PGM3: variants seen among roughly 807,000 people sequenced by gnomAD.
PGM3 encodes the protein phosphoglucomutase 3.
A neutral mutation model predicts 66.2 loss-of-function variants in PGM3; 40 were observed. That is an observed-to-expected ratio of 0.60 (90% confidence interval 0.47 to 0.79). The LOEUF is 0.79. PGM3 is among the 30% of genes least tolerant of loss of function. PGM3 has a pLI of 0.00. For missense variants in PGM3, 537 were observed against 643.4 expected, an observed-to-expected ratio of 0.83 and a Z score of 1.79; for synonymous variants, 191 against 224.2, an observed-to-expected ratio of 0.85 and a Z score of 1.32.
chr6:83,168,371 G>A lies in PGM3; in HGVS notation c.*863C>T. ...ATATTGTTGGCTCATACTGATTATG[G>A]TGCCTAAGAGAGCTATATATATACA... On this transcript the variant is annotated 3_prime_UTR_variant, in exon 13 of 13. Coordinates refer to ENST00000513973, the MANE Select transcript of PGM3 (RefSeq NM_015599.3). The A allele has an allele frequency of 7.3e-7, 1 of 1,377,534 alleles. No individual in the cohort carries two copies. Among genetic ancestry groups the A allele is most frequent in the Non-Finnish European group, 9.4e-7 (1 of 1,068,494 alleles). 85.3% of individuals were successfully genotyped at this position (1,377,534 alleles called of 1,614,324 possible).
downstream of PGM3, chr6:83,159,707 A>G: frequency 6.9e-7 from 1 of 1,442,938 alleles, no homozygotes; most frequent in Non-Finnish European, 9.6e-7. Context: ...GATGATTATG[A>G]AAAATATTAG....
Position 83,167,727 on chromosome 6 carries a change from C to T in PGM3, c.*1507G>A. ...TCTCAGAAGCACCAAGGGTTTTGAT[C>T]AGGTCAGGAGTTAGAAACTTAATGT... On this transcript the variant is annotated 3_prime_UTR_variant, in exon 13 of 13. Transcript: ENST00000513973. 1 of 1,407,870 alleles carries T rather than the reference C, an allele frequency of 7.1e-7. No individual in the cohort carries two copies. 87.2% of individuals were successfully genotyped at this position (1,407,870 alleles called of 1,614,324 possible). A position where few individuals can be genotyped will look rare whatever the true frequency, so the allele number is the denominator to read the frequency against.
In PGM3 at chr6:83,167,167, A is replaced by T; in HGVS notation, c.*2067T>A. ...CTAAAAGGTAGTTTTAGACTGTCCC[A>T]TTTTATAAGTGAGGAACCTTTGTAT... On this transcript the variant is annotated 3_prime_UTR_variant, in exon 13 of 13. Transcript: ENST00000513973. 1.1e-6 allele frequency: 1 copy of T among 903,514 alleles called. No homozygotes were observed. Among genetic ancestry groups the T allele is most frequent in the Non-Finnish European group, 1.3e-6 (1 of 755,194 alleles). 56.0% of individuals were successfully genotyped at this position (903,514 alleles called of 1,614,324 possible). A position where few individuals can be genotyped will look rare whatever the true frequency, so the allele number is the denominator to read the frequency against.
chr6:83,169,101 A>T lies in PGM3; in HGVS notation c.*133T>A. The T allele has an allele frequency of 1.4e-6, 2 of 1,455,042 alleles. No individual in the cohort carries two copies. Among genetic ancestry groups the T allele is most frequent in the Non-Finnish European group, 1.8e-6 (2 of 1,107,726 alleles). 90.1% of individuals were successfully genotyped at this position (1,455,042 alleles called of 1,614,324 possible). A position where few individuals can be genotyped will look rare whatever the true frequency, so the allele number is the denominator to read the frequency against. ...ATTATTCTGTTAGTGTTTAAGAAAA[A>T]CAGATCTAGAGACAATCCAGTAGGC... On this transcript the variant is annotated 3_prime_UTR_variant, in exon 13 of 13. Coordinates refer to ENST00000513973, the MANE Select transcript of PGM3 (RefSeq NM_015599.3).
chr6:83,174,976 T>G (rs1787646116), intron 9 of PGM3, among the ~76,000 whole-genome samples: 1 of 152,230 alleles, frequency 6.6e-6, no homozygotes, highest in Non-Finnish European at 1.5e-5. Flanking sequence ...GGATAGTCAT[T>G]ACAATATATA....
intron 6 of PGM3, among the ~76,000 whole-genome samples, chr6:83,180,802 C>T (rs1174029071): frequency 6.6e-6 from 1 of 152,182 alleles, no homozygotes; most frequent in African/African-American, 2.4e-5. Flanking sequence ...GTTGACTACA[C>T]TGACATTTTA....
At chr6:83,169,659 C>G (rs1177213853) in intron 12 of PGM3, 1 of 468,658 alleles carries the variant, frequency 2.1e-6, no homozygotes, top group South Asian at 1.6e-5. Context: ...TTGCCATCTC[C>G]TCATCCATCA....
Position 83,165,272 on chromosome 6 carries a change from T to C in PGM3, c.*3962A>G, listed in dbSNP as rs1398686555. On this transcript the variant is annotated 3_prime_UTR_variant, in exon 13 of 13. Coordinates refer to ENST00000513973, the MANE Select transcript of PGM3 (RefSeq NM_015599.3). Reference sequence around the variant, plus strand: ...AAAGAAAGAAAGAAAGTTTTATATATCCTGTAATCTAGACTGGAAGCTAAA... The same window carrying C: ...AAAGAAAGAAAGAAAGTTTTATATACCCTGTAATCTAGACTGGAAGCTAAA... 2 of 152,536 alleles carry C rather than the reference T, an allele frequency of 1.3e-5. No individual in the cohort carries two copies. Among genetic ancestry groups the C allele is most frequent in the African/African-American group, 4.8e-5 (2 of 41,430 alleles). 9.4% of individuals were successfully genotyped at this position (152,536 alleles called of 1,614,324 possible).
chr6:83,168,202 A>G lies in PGM3; in HGVS notation c.*1032T>C. On this transcript the variant is annotated 3_prime_UTR_variant, in exon 13 of 13. Coordinates refer to ENST00000513973, the MANE Select transcript of PGM3 (RefSeq NM_015599.3). ...CTGGTTCCATTTAGCTTACATGTAA[A>G]TGTAATTATTTAAAACACACACACT... 1.3e-6 allele frequency: 2 copies of G among 1,578,504 alleles called. No individual in the cohort carries two copies. Among genetic ancestry groups the G allele is most frequent in the Non-Finnish European group, 1.7e-6 (2 of 1,165,816 alleles).
At chr6:83,185,142 G>A (rs1351546470) in intron 4 of PGM3, among the ~76,000 whole-genome samples, 1 of 152,184 alleles carries the variant, frequency 6.6e-6, no homozygotes, top group African/African-American at 2.4e-5. Context: ...GGGGCAGGGT[G>A]AACATGAGAC....
At chr6:83,160,391 A>G (rs1783951591), downstream of PGM3, among the ~76,000 whole-genome samples, 1 of 152,236 alleles carries the variant, frequency 6.6e-6, no homozygotes, top group African/African-American at 2.4e-5. Context: ...CAGACATGAT[A>G]CGTCTGAAGT....
Position 83,168,533 on chromosome 6 carries a change from CCATGTTCTGG to C in PGM3, c.*691_*700del, listed in dbSNP as rs899936673. ...GGGATTTTTCTCTTTTCCTTATTAA[CCATGTTCTGG>C]TATCAGAATGGTGTTCCTTCTCCAT... On this transcript the variant is annotated 3_prime_UTR_variant, in exon 13 of 13. Transcript: ENST00000513973. 9.9e-7 allele frequency: 1 copy of C among 1,006,644 alleles called. No homozygotes were observed. 62.4% of individuals were successfully genotyped at this position (1,006,644 alleles called of 1,614,324 possible).
the PGM3 span, chr6:83,148,836 C>T: frequency 6.5e-7 from 1 of 1,547,196 alleles, no homozygotes; most frequent in Non-Finnish European, 8.6e-7. Flanking sequence ...CTGAGTCTTC[C>T]AGCTCCAGGG....
At chr6:83,191,355 C>T (rs1001984208) in intron 1 of PGM3, 7 of 771,798 alleles carry the variant, frequency 9.1e-6, no homozygotes, top group Non-Finnish European at 1.5e-5. Context: ...TATTCAGAGA[C>T]TCCAATGAGC....
At chr6:83,182,354 A>C (rs1419652364) in intron 5 of PGM3, among the ~76,000 whole-genome samples, 1 of 152,184 alleles carries the variant, frequency 6.6e-6, no homozygotes, top group Non-Finnish European at 1.5e-5. Context: ...TCTCCCAGCT[A>C]TCCTCACCCC....
Position 83,190,845 on chromosome 6 carries a change from A to C in PGM3, c.168T>G (p.Thr56=). 4 of 1,614,072 alleles carry C rather than the reference A, an allele frequency of 2.5e-6. No homozygotes were observed. The highest frequency in any genetic ancestry group is 3.4e-6 in the Non-Finnish European group (4 of 1,179,958). ...GGGACGCTGTTACCATGACTCCTATAGTGGATTTTGTCTGTTTTGACCTCA... is the reference window on the plus strand; with the variant it reads ...GGGACGCTGTTACCATGACTCCTATCGTGGATTTTGTCTGTTTTGACCTCA... The part of the protein sequence containing the change: ...AVLRSKQTKS[T]IGVMVTASHN... The change falls in exon 2 of 13, where the codon ACT becomes ACG. Residue 56 remains threonine (T), a synonymous_variant. Transcript: ENST00000513973.
At position 83,167,205 on chromosome 6, in the gene PGM3, G is replaced by A. The variant is rs1291109820; in HGVS notation, c.*2029C>T. ...GGAACCTTTGTATATCCTGCCCAAG[G>A]GTGCCGTAAGTATGGCAGAGCCAGC... is the stretch of plus-strand genomic sequence containing the variant. On this transcript the variant is annotated 3_prime_UTR_variant, in exon 13 of 13. Coordinates refer to ENST00000513973, the MANE Select transcript of PGM3 (RefSeq NM_015599.3). 1 of 901,662 alleles carries A rather than the reference G, an allele frequency of 1.1e-6. No individual in the cohort carries two copies. The highest frequency in any genetic ancestry group is 6.2e-5 in the Admixed American group (1 of 16,146). 55.9% of individuals were successfully genotyped at this position (901,662 alleles called of 1,614,324 possible).
chr6:83,150,787 A>G, the PGM3 span, among the ~76,000 whole-genome samples: 2 of 152,210 alleles, frequency 1.3e-5, no homozygotes, highest in Non-Finnish European at 2.9e-5. Flanking sequence ...CTGTATTACA[A>G]TTTAAGATTT....
chr6:83,180,250 AG>A (rs1788080670), intron 6 of PGM3, among the ~76,000 whole-genome samples: 1 of 152,178 alleles, frequency 6.6e-6, no homozygotes, highest in African/African-American at 2.4e-5. Context: ...TGTCCCATAA[AG>A]GTTTTTTGAA....
Sources: gnomAD v4.1 joint callset for allele counts (sites outside exome capture counted in the v4.1 genomes callset) on GRCh38, gnomAD v4.1.1 for gene constraint, MANE v1.5 for transcripts, NCBI Gene and HGNC (gene_info 2026-07-23, HGNC 2026-07-21) for gene names.